COPS4: variants seen among roughly 807,000 people sequenced by gnomAD.
COPS4 encodes COP9 signalosome complex subunit 4.
COPS4 carries 8 observed loss-of-function variants against 55.1 expected under a neutral mutation model. The observed-to-expected ratio is 0.15, with a 90% CI of 0.09 to 0.26. The LOEUF is 0.26. COPS4 is among the 10% of genes least tolerant of loss of function. The probability of loss-of-function intolerance (pLI) is 1.00; values close to 1 mark genes in which losing one functional copy is unlikely to be tolerated. For missense variants in COPS4, 248 were observed against 484.0 expected, an observed-to-expected ratio of 0.51 and a Z score of 4.58; for synonymous variants, 185 against 165.7, an observed-to-expected ratio of 1.12 and a Z score of -0.90.
intron 1 of COPS4, among the ~76,000 whole-genome samples, chr4:83,037,137 C>T (rs1578699730): frequency 6.6e-6 from 1 of 152,328 alleles, no homozygotes; most frequent in African/African-American, 2.4e-5. Context: ...ATATCTTGCT[C>T]TTGCCTGGAT....
chr4:83,060,291 C>T (rs1361689606), intron 6 of COPS4, among the ~76,000 whole-genome samples: 4 of 143,968 alleles, frequency 2.8e-5, no homozygotes, highest in African/African-American at 1.0e-4. Flanking sequence ...TCACGCCATT[C>T]TCCTGCCTCA....
At chr4:83,045,577 A>G in intron 1 of COPS4, 49 bp from the exon 2 acceptor site, 1 of 1,412,676 alleles carries the variant, frequency 7.1e-7, no homozygotes, top group Non-Finnish European at 1.0e-6. Context: ...AGTTTGCATT[A>G]GAAAATATAG....
chr4:83,065,165 T>G, intron 7 of COPS4: 1 of 484,300 alleles, frequency 2.1e-6, no homozygotes, highest in South Asian at 3.5e-5. Flanking sequence ...GGTAAGCCAC[T>G]GCACCTGCCT....
intron 8 of COPS4, 39 bp downstream of exon 8, chr4:83,066,592 G>A: frequency 1.1e-6 from 1 of 893,588 alleles, no homozygotes; most frequent in Non-Finnish European, 1.8e-6. Context: ...AAAAAGTTAA[G>A]AGATGAAACT....
intron 4 of COPS4, among the ~76,000 whole-genome samples, chr4:83,053,526 T>C (rs1397868973): frequency 6.6e-6 from 1 of 151,698 alleles, no homozygotes; most frequent in African/African-American, 2.4e-5. Flanking sequence ...CTAGAGAAAA[T>C]GAGGTAGAAA....
chr4:83,072,188 G>A (rs1194828057), intron 9 of COPS4, among the ~76,000 whole-genome samples: 9 of 152,142 alleles, frequency 5.9e-5, no homozygotes, highest in South Asian at 2.1e-4. Context: ...GGGTCCAAGC[G>A]ATTCTCCTGC....
intron 9 of COPS4, among the ~76,000 whole-genome samples, chr4:83,072,592 A>C (rs1578724389): frequency 6.6e-6 from 1 of 152,238 alleles, no homozygotes; most frequent in Admixed American, 6.5e-5. Context: ...TTTTACATTT[A>C]GGAATTTAAT....
intron 7 of COPS4, among the ~76,000 whole-genome samples, chr4:83,064,700 C>T (rs1309256364): frequency 2.0e-5 from 3 of 151,844 alleles, no homozygotes; most frequent in Non-Finnish European, 4.4e-5. Flanking sequence ...ACTGGGACTG[C>T]AGGTGCACAC....
At chr4:83,057,147 A>T in intron 5 of COPS4, 68 bp downstream of exon 5, 1 of 1,522,712 alleles carries the variant, frequency 6.6e-7, no homozygotes, top group Non-Finnish European at 9.0e-7. Flanking sequence ...ATGTTCCAGG[A>T]CATCTGATAG....
rs55904890 is a variant in COPS4, at chr4:83,053,839, C to CAAAAA, written c.411-3078_411-3074dup. On this transcript the variant is annotated intron_variant, in intron 4 of 9. Coordinates refer to ENST00000264389, the MANE Select transcript of COPS4 (RefSeq NM_016129.3). ...TGGGTGACAGAGTAAGACTCTGTCT[C>CAAAAA]AAAAAAAAAAAAAGATGGTTTATAA... Among the ~76,000 whole-genome samples, 8 of 86,564 alleles carry CAAAAA rather than the reference C, an allele frequency of 9.2e-5. 2 individuals are homozygous for CAAAAA. Among genetic ancestry groups the CAAAAA allele is most frequent in the Non-Finnish European group, 1.3e-4 (6 of 47,900 alleles). The allele number at this position is 86,564 out of a possible 152,430, so 56.8% of individuals were successfully genotyped here.
Position 83,040,561 on chromosome 4 carries a change from T to C in COPS4, c.75-5065T>C, listed in dbSNP as rs191661581. On this transcript the variant is annotated intron_variant, in intron 1 of 9. Coordinates refer to ENST00000264389, the MANE Select transcript of COPS4 (RefSeq NM_016129.3). ...CCAGAAATGGCAGCTTGCTTCTCAG[T>C]GCTTCCAGCAGATTCGCAGTGAGCC... is the stretch of plus-strand genomic sequence containing the variant. Among the ~76,000 whole-genome samples, 13 of 152,306 alleles carry C rather than the reference T, an allele frequency of 8.5e-5. No homozygotes were observed. In the East Asian group the frequency reaches 2.1e-3, roughly 25 times the overall value.
At chr4:83,049,848 G>A in intron 3 of COPS4, 33 bp from the exon 4 acceptor site, 1 of 1,241,892 alleles carries the variant, frequency 8.1e-7, no homozygotes, top group East Asian at 2.5e-5. Flanking sequence ...AATGTCAGTT[G>A]AAATAATTTG....
At chr4:83,041,522 G>A (rs375921355) in intron 1 of COPS4, among the ~76,000 whole-genome samples, 21 of 152,172 alleles carry the variant, frequency 1.4e-4, no homozygotes, top group African/African-American at 4.8e-4. Context: ...CTCTGTCACA[G>A]GCTGGAGTAC....
intron 7 of COPS4, chr4:83,065,191 T>C (rs1388085114): frequency 8.6e-6 from 4 of 462,896 alleles, no homozygotes; most frequent in Non-Finnish European, 3.8e-6. Context: ...TTTGAACATA[T>C]TAAATTTGAG....
chr4:83,073,729 C>T (rs1044495457), intron 9 of COPS4, among the ~76,000 whole-genome samples: 1 of 150,884 alleles, frequency 6.6e-6, no homozygotes, highest in Non-Finnish European at 1.5e-5. Flanking sequence ...CTGAGGCGGG[C>T]GGATCACGAG....
intron 2 of COPS4, among the ~76,000 whole-genome samples, chr4:83,048,758 T>A (rs1443076197): frequency 6.6e-6 from 1 of 152,034 alleles, no homozygotes; most frequent in Non-Finnish European, 1.5e-5. Context: ...TCTCTTGCCT[T>A]AGCCTCCTGA....
At chr4:83,055,510 C>G (rs939976315) in intron 4 of COPS4, among the ~76,000 whole-genome samples, 1 of 149,574 alleles carries the variant, frequency 6.7e-6, no homozygotes, top group Non-Finnish European at 1.5e-5. Context: ...GTGGCATGAT[C>G]TCGGCTTACT....
chr4:83,068,221 C>G (rs1418657066), intron 8 of COPS4, among the ~76,000 whole-genome samples: 1 of 152,026 alleles, frequency 6.6e-6, no homozygotes, highest in African/African-American at 2.4e-5. Context: ...CAAAATCTCA[C>G]AAGAAAAACA....
rs1404948025 is a variant in COPS4 at position 83,063,218 on chromosome 4, G to A, written c.858G>A (p.Met286Ile). Residue 286 changes from methionine (M) to isoleucine (I), a missense_variant, in exon 7 of 10, where the codon ATG becomes ATA. By Grantham distance (10) the Met-to-Ile change is conservative (BLOSUM62 1). This residue lies in a region of COPS4 where 155 missense variants were observed against 326.6 expected (regional missense o/e 0.47). Coordinates refer to ENST00000264389, the MANE Select transcript of COPS4 (RefSeq NM_016129.3). ...NQLQEFAAML[M>I]PHQKATTADG... Reference sequence around the variant, plus strand: ...TTCAAGAATTTGCTGCCATGCTGATGCCTCACCAAAAAGCAACTACAGCTG... The same window carrying A: ...TTCAAGAATTTGCTGCCATGCTGATACCTCACCAAAAAGCAACTACAGCTG... 6.2e-7 allele frequency: 1 copy of A among 1,612,768 alleles called. No homozygotes were observed. The highest frequency in any genetic ancestry group is 1.3e-5 in the African/African-American group (1 of 74,786).
Sources: gnomAD v4.1 joint callset for allele counts (sites outside exome capture counted in the v4.1 genomes callset) on GRCh38, gnomAD v4.1.1 for gene constraint, gnomAD v4.1.1 regional missense constraint, MANE v1.5 for transcripts, NCBI Gene and HGNC (gene_info 2026-07-23, HGNC 2026-07-21) for gene names.